KIRREL2: variants seen among roughly 807,000 people sequenced by gnomAD.
KIRREL2 encodes the protein kirre like nephrin family adhesion molecule 2, also known as kin of IRRE-like protein 2.
Under a neutral mutation model 73.4 loss-of-function variants are expected in KIRREL2, and 56 were observed. That is an observed-to-expected ratio of 0.76 (90% CI 0.62 to 0.95). The LOEUF is 0.95. KIRREL2 is among the 40% of genes least tolerant of loss of function. The pLI is 0.00. For synonymous variants in KIRREL2, 407 were observed against 404.0 expected (o/e 1.01, Z -0.09); for missense variants, 896 against 935.0 (o/e 0.96, Z 0.54).
chr19:35,853,368 G>T (rs564302120), upstream of KIRREL2, among the ~76,000 whole-genome samples: 2 of 152,228 alleles, frequency 1.3e-5, no homozygotes, highest in East Asian at 3.8e-4. Flanking sequence ...CCCAGTGTGG[G>T]TGCAGTGTGA....
chr19:35,860,578 C>T lies in KIRREL2; in HGVS notation c.839C>T (p.Ala280Val), dbSNP rs1205639127. ...GARGPRLEVV[A>V]DASFLTEPVS... ...CGCGGGCCAAGGTTAGAGGTCGTGG[C>T]AGACGCCTCGTTCCTGACTGAGCCC... Residue 280 changes from alanine to valine, a missense_variant, in exon 7 of 15, where the codon GCA becomes GTA. By Grantham distance (64) the Ala-to-Val change is moderately conservative (BLOSUM62 0). Transcript: ENST00000360202. 1 of 1,603,546 alleles carries T rather than the reference C, an allele frequency of 6.2e-7. No homozygotes were observed. The highest frequency in any genetic ancestry group is 8.5e-7 in the Non-Finnish European group (1 of 1,179,960).
chr19:35,852,097 C>CTTTTTTTTTTTTTTTTTT (rs10566018), upstream of KIRREL2, among the ~76,000 whole-genome samples: 3 of 121,604 alleles, frequency 2.5e-5, no homozygotes, highest in Non-Finnish European at 5.4e-5. Context: ...TTTTTTTTTT[C>CTTTTTTTTTTTTTTTTTT]TTTTTTTTTT....
In KIRREL2 at chr19:35,859,556, G is replaced by C. The variant is rs369675867; in HGVS notation, c.598G>C (p.Ala200Pro). ...TLTPFSHDDG[A>P]TFVCRARSQA... ...GACCCCTTTCAGCCATGATGATGGA[G>C]CCACCTTTGTCTGCCGGGCCCGGAG... The change falls in exon 5 of 15, where the codon GCC becomes CCC. Residue 200 changes from alanine to proline, a missense_variant. Transcript: ENST00000360202. 2 of 1,614,198 alleles carry C rather than the reference G, an allele frequency of 1.2e-6. No homozygotes were observed. The highest frequency in any genetic ancestry group is 2.7e-5 in the African/African-American group (2 of 75,050).
chr19:35,854,746 T>C (rs1973367837), upstream of KIRREL2, among the ~76,000 whole-genome samples: 1 of 147,026 alleles, frequency 6.8e-6, no homozygotes, highest in Non-Finnish European at 1.5e-5. Flanking sequence ...TGTTATTCTG[T>C]TTCTCTGTCT....
At chr19:35,860,731 TCGGGGCCTGGAGGGG>T (rs1432284383) in intron 7 of KIRREL2, 64 bp downstream of exon 7, 12 of 1,592,618 alleles carry the variant, frequency 7.5e-6, no homozygotes, top group Admixed American at 1.7e-5. Flanking sequence ...CTGTTGAGGG[TCGGGGCCTGGAGGGG>T]CGGGGCCGGG....
Position 35,862,993 on chromosome 19 carries a change from C to T in KIRREL2, c.1682C>T (p.Ser561Leu). 6.3e-7 allele frequency: 1 copy of T among 1,593,098 alleles called. No homozygotes were observed. Among genetic ancestry groups the T allele is most frequent in the African/African-American group, 1.3e-5 (1 of 74,930 alleles). The change falls in exon 13 of 15, where the codon TCA becomes TTA. Residue 561 changes from serine to leucine, a missense_variant. Transcript: ENST00000360202. Reference protein sequence around the residue: ...RIPGSSDGSSSRGPEEEETGS... With the variant: ...RIPGSSDGSSLRGPEEEETGS... Reference sequence around the variant, plus strand: ...CCTGGCAGCAGCGACGGCTCCAGTTCACGAGGTCCTGAAGAAGAGGAGACA... The same window carrying T: ...CCTGGCAGCAGCGACGGCTCCAGTTTACGAGGTCCTGAAGAAGAGGAGACA...
Position 35,866,172 on chromosome 19 carries a change from T to TAA in KIRREL2, c.1808_1809insAA (p.Tyr603Ter). The TAA allele has an allele frequency of 6.2e-7, 1 of 1,608,752 alleles. No homozygotes were observed. Among genetic ancestry groups the TAA allele is most frequent in the Non-Finnish European group, 8.5e-7 (1 of 1,178,766 alleles). Residue 603 changes from tyrosine to a stop codon, truncating the protein, a stop_gained and frameshift_variant, in exon 15 of 15, where the codon TAC (tyrosine) becomes TAAAC (stop). Transcript: ENST00000360202. LOFTEE classifies it high-confidence loss of function. ...TLETKDPTNG[Y>*]YKVRGVSVSL... ...GTCCCCTCAGGACCCAACCAACGGT[T>TAA]ACTACAAGGTCCGAGGAGTCAGTGT... is the stretch of plus-strand genomic sequence containing the variant.
At chr19:35,853,020 C>T (rs1181388394), upstream of KIRREL2, among the ~76,000 whole-genome samples, 1 of 152,152 alleles carries the variant, frequency 6.6e-6, no homozygotes, top group Non-Finnish European at 1.5e-5. Flanking sequence ...GTCTCGAACT[C>T]CTGACCTCAG....
chr19:35,851,794 C>T (rs373782564), upstream of KIRREL2: 12 of 1,553,440 alleles, frequency 7.7e-6, no homozygotes, highest in Non-Finnish European at 9.6e-6. Flanking sequence ...AGTCAGCAGC[C>T]CCAGGAGCAG....
chr19:35,865,003 A>G (rs1174127080), intron 14 of KIRREL2, among the ~76,000 whole-genome samples: 2 of 151,862 alleles, frequency 1.3e-5, no homozygotes, highest in African/African-American at 4.8e-5. Flanking sequence ...ATCACGGTCA[A>G]GCCCCCTTTC....
upstream of KIRREL2, chr19:35,851,512 G>A (rs115599462): frequency 3.3e-4 from 539 of 1,613,654 alleles, no homozygotes; most frequent in Non-Finnish European, 4.2e-4. Flanking sequence ...TCCTGGGGTC[G>A]GGGCCCAGGA....
At chr19:35,864,446 T>G (rs1016837010) in intron 13 of KIRREL2, among the ~76,000 whole-genome samples, 1 of 152,226 alleles carries the variant, frequency 6.6e-6, no homozygotes, top group African/African-American at 2.4e-5. Flanking sequence ...TGCTGCGGCC[T>G]CCCAAAGTGC....
rs539656145 is a variant in KIRREL2 at position 35,857,027 on chromosome 19, G to A, written c.-93G>A. 38 of 1,303,508 alleles carry A rather than the reference G, an allele frequency of 2.9e-5. No homozygotes were observed. Among genetic ancestry groups the A allele is most frequent in the East Asian group, 2.1e-4 (9 of 43,148 alleles). 80.7% of individuals were successfully genotyped at this position (1,303,508 alleles called of 1,614,324 possible). Reference sequence around the variant, plus strand: ...GGGCGAAGAGTCGAGCGTGAAGGGGGCTCCGGGCCAGGGTGACAGGAGGCG... The same window carrying A: ...GGGCGAAGAGTCGAGCGTGAAGGGGACTCCGGGCCAGGGTGACAGGAGGCG... On this transcript the variant is annotated 5_prime_UTR_variant, in exon 1 of 15. Coordinates refer to ENST00000360202, the MANE Select transcript of KIRREL2 (RefSeq NM_199180.4).
rs759004499 is a variant in KIRREL2, at chr19:35,857,117, C to G, written c.-3C>G. The G allele has an allele frequency of 6.2e-7, 1 of 1,612,842 alleles. No homozygotes were observed. Among genetic ancestry groups the G allele is most frequent in the Non-Finnish European group, 8.5e-7 (1 of 1,179,930 alleles). ...GGCAAATCTCGTGAACCTTGGGGGACGAATGCTCAGGATGCGGGTCCCCGC... is the reference window on the plus strand; with the variant it reads ...GGCAAATCTCGTGAACCTTGGGGGAGGAATGCTCAGGATGCGGGTCCCCGC... On this transcript the variant is annotated 5_prime_UTR_variant, in exon 1 of 15. Transcript: ENST00000360202.
chr19:35,857,205 A>G (rs2146848552), intron 1 of KIRREL2, 25 bp downstream of exon 1: 5 of 626,412 alleles, frequency 8.0e-6, no homozygotes, highest in South Asian at 5.5e-5. Flanking sequence ...GAGCGGAGGA[A>G]TATGGGGTGG....
chr19:35,857,660 A>G (rs1161565310), intron 2 of KIRREL2, among the ~76,000 whole-genome samples, 166 bp downstream of exon 2: 1 of 152,146 alleles, frequency 6.6e-6, no homozygotes, highest in Non-Finnish European at 1.5e-5. Context: ...GGGGTGACCC[A>G]CGGAGTTTGG....
Position 35,861,865 on chromosome 19 carries a change from A to T in KIRREL2, c.1351A>T (p.Thr451Ser), listed in dbSNP as rs778443341. 5 of 1,591,976 alleles carry T rather than the reference A, an allele frequency of 3.1e-6. No homozygotes were observed. In the South Asian group the frequency reaches 5.7e-5, roughly 18 times the overall value. ...GTCGCAGGGCCGGTTCCTGGTGGAG[A>T]CATTCCCTGCCCCAGAGAGCCGCGG... is the stretch of plus-strand genomic sequence containing the variant. ...AGSQGRFLVE[T>S]FPAPESRGGL... Residue 451 changes from threonine to serine, a missense_variant, in exon 11 of 15, where the codon ACA becomes TCA. Thr to Ser is a moderately conservative substitution (Grantham distance 58). Coordinates refer to ENST00000360202, the MANE Select transcript of KIRREL2 (RefSeq NM_199180.4).
rs1973448969 is a variant in KIRREL2 at position 35,857,060 on chromosome 19, G to A, written c.-60G>A. The A allele has an allele frequency of 3.2e-6, 5 of 1,568,478 alleles. No homozygotes were observed. Among genetic ancestry groups the A allele is most frequent in the Non-Finnish European group, 4.4e-6 (5 of 1,138,754 alleles). Reference sequence around the variant, plus strand: ...CCAGGGTGACAGGAGGCGTGCTTGAGAGGAAGAAGTTGACGGGAAGGCCAG... The same window carrying A: ...CCAGGGTGACAGGAGGCGTGCTTGAAAGGAAGAAGTTGACGGGAAGGCCAG... On this transcript the variant is annotated 5_prime_UTR_variant, in exon 1 of 15. Coordinates refer to ENST00000360202, the MANE Select transcript of KIRREL2 (RefSeq NM_199180.4).
At chr19:35,863,104 G>A (rs1973784521) in intron 13 of KIRREL2, 68 bp downstream of exon 13, 1 of 895,290 alleles carries the variant, frequency 1.1e-6, no homozygotes, top group Non-Finnish European at 1.8e-6. Flanking sequence ...TCCCAAGAGG[G>A]TCCCCAAATT....
Sources: gnomAD v4.1 joint callset for allele counts (sites outside exome capture counted in the v4.1 genomes callset) on GRCh38, gnomAD v4.1.1 for gene constraint, MANE v1.5 for transcripts, NCBI Gene and HGNC (gene_info 2026-07-23, HGNC 2026-07-21) for gene names.